Variants in IDUA observed in about 807,000 individuals in gnomAD.
IDUA encodes the protein iduronidase alpha-L-.
A neutral mutation model predicts 68.9 loss-of-function variants in IDUA; 65 were observed. The ratio of observed to expected loss-of-function variants is 0.94; its 90% CI spans 0.77 to 1.16. IDUA has a LOEUF of 1.16. Ranked by LOEUF, IDUA falls within the 50% of genes most tolerant of loss-of-function variation. The pLI is 0.00. For missense variants in IDUA, 1,046 were observed against 938.0 expected, an observed-to-expected ratio of 1.12 and a Z score of -1.50; for synonymous variants, 529 against 433.6, an observed-to-expected ratio of 1.22 and a Z score of -2.73.
chr4:998,622 ATCAC>A, intron 2 of IDUA, among the ~76,000 whole-genome samples: 1 of 152,184 alleles, frequency 6.6e-6, no homozygotes, highest in African/African-American at 2.4e-5. Context: ...GGCCAGAAGC[ATCAC>A]TCACAACTCC....
At chr4:994,849 C>T (rs1714645959) in intron 2 of IDUA, among the ~76,000 whole-genome samples, 1 of 152,058 alleles carries the variant, frequency 6.6e-6, no homozygotes, top group African/African-American at 2.4e-5. Flanking sequence ...TGGCTTGAGC[C>T]CAGGAGTTTG....
chr4:1,003,037 C>T lies in IDUA; in HGVS notation c.1404C>T (p.Gly468=), dbSNP rs376962742. The change falls in exon 10 of 14, where the codon GGC becomes GGT. Residue 468 remains glycine (G), a splice_region_variant and synonymous_variant. Transcript: ENST00000514224. ...AGGCCTGAGTGTCAGGCCCCGCAGG[C>T]CTGGTCTACGTCACGCGCTACCTGG... is the stretch of plus-strand genomic sequence containing the variant. ...LRLRGVPPGP[G]LVYVTRYLDN... is the part of the protein sequence containing the mutation. 5.3e-6 allele frequency: 8 copies of T among 1,501,884 alleles called. No individual in the cohort carries two copies. The highest frequency in any genetic ancestry group is 7.1e-6 in the Non-Finnish European group (8 of 1,134,000). The allele number at this position is 1,501,884 out of a possible 1,614,324, so 93.0% of individuals were successfully genotyped here.
intron 2 of IDUA, chr4:988,490 C>G: frequency 3.5e-6 from 4 of 1,131,366 alleles, no homozygotes; most frequent in Non-Finnish European, 4.3e-6. Flanking sequence ...ACCTTGGAGG[C>G]TGCATGATGG....
At chr4:988,240 C>T (rs1372212813) in intron 2 of IDUA, 2 of 1,281,298 alleles carry the variant, frequency 1.6e-6, no homozygotes, top group African/African-American at 1.5e-5. Context: ...GTCTGCTGGC[C>T]AGGCTGGGTA....
In IDUA at chr4:1,004,543, T is replaced by C. The variant is rs1715328260; in HGVS notation, c.*150T>C. ...TATATCTTGGTACCAACGCCCCCTT[T>C]AAAGCGGCTTTGCACAGGTCAGTCT... On this transcript the variant is annotated 3_prime_UTR_variant, in exon 14 of 14. Coordinates refer to ENST00000514224, the MANE Select transcript of IDUA (RefSeq NM_000203.5). This position sits in a 1 kb window ranked among gnomAD's most constrained non-coding sequence, Gnocchi z 5.0. 5.0e-6 allele frequency: 4 copies of C among 796,662 alleles called. No individual in the cohort carries two copies. 49.3% of individuals were successfully genotyped at this position (796,662 alleles called of 1,614,324 possible).
rs1715016939 is a variant in IDUA at position 1,000,660 on chromosome 4, G to A, written c.348G>A (p.Gly116=). ...GLSYNFTHLD[G]YLDLLRENQL... ...GCTACAACTTCACCCACCTGGACGG[G>A]TACCTGGACCTTCTCAGGGAGAACC... is the stretch of plus-strand genomic sequence containing the variant. The change falls in exon 3 of 14, where the codon GGG becomes GGA. Residue 116 remains glycine, a synonymous_variant. Coordinates refer to ENST00000514224, the MANE Select transcript of IDUA (RefSeq NM_000203.5). 6.2e-7 allele frequency: 1 copy of A among 1,612,732 alleles called. No homozygotes were observed. The highest frequency in any genetic ancestry group is 1.1e-5 in the South Asian group (1 of 91,074).
chr4:1,001,026 G>A (rs375814292), intron 4 of IDUA, 37 bp downstream of exon 4: 690 of 1,466,188 alleles, frequency 4.7e-4, no homozygotes, highest in Non-Finnish European at 6.2e-4. Flanking sequence ...TGGCCGGGGC[G>A]GGGGTACTCC....
At chr4:990,310 G>C (rs1375918658) in intron 2 of IDUA, 1 of 1,604,964 alleles carries the variant, frequency 6.2e-7, no homozygotes, top group Non-Finnish European at 8.5e-7. Context: ...ATCGAGCAGT[G>C]GCTGTGAGAG....
In IDUA at chr4:1,002,286, G is replaced by T; in HGVS notation, c.990G>T (p.Gln330His). The change falls in exon 8 of 14, where the codon CAG becomes CAT. Residue 330 changes from glutamine (Q) to histidine (H), a missense_variant. By Grantham distance (24) the Gln-to-His change is conservative. Coordinates refer to ENST00000514224, the MANE Select transcript of IDUA (RefSeq NM_000203.5). ...AMVVKVIAQH[Q>H]NLLLANTTSA... is the part of the protein sequence containing the mutation. Reference sequence around the variant, plus strand: ...ACCCGCAGGTCATCGCGCAGCATCAGAACCTGCTACTGGCCAACACCACCT... The same window carrying T: ...ACCCGCAGGTCATCGCGCAGCATCATAACCTGCTACTGGCCAACACCACCT... The T allele has an allele frequency of 6.2e-7, 1 of 1,612,314 alleles. No individual in the cohort carries two copies. Among genetic ancestry groups the T allele is most frequent in the Non-Finnish European group, 8.5e-7 (1 of 1,179,464 alleles).
At chr4:1,003,513 C>A in intron 11 of IDUA, 36 bp from the exon 12 acceptor site, 1 of 1,605,020 alleles carries the variant, frequency 6.2e-7, no homozygotes, top group Non-Finnish European at 8.5e-7. Context: ...CCGGACTCCC[C>A]TTCCCCGACG....
chr4:987,594 G>A, intron 1 of IDUA: 1 of 1,413,416 alleles, frequency 7.1e-7, no homozygotes, highest in African/African-American at 1.4e-5. Flanking sequence ...CAGGGCCAGG[G>A]CTGGCGTTGG....
intron 2 of IDUA, among the ~76,000 whole-genome samples, chr4:998,478 C>T (rs1210362449): frequency 6.6e-6 from 1 of 152,174 alleles, no homozygotes; most frequent in Non-Finnish European, 1.5e-5. Context: ...AGGAGGTGCA[C>T]TGCCCCACGG....
At position 1,001,802 on chromosome 4, in the gene IDUA, T is replaced by A. The variant is rs148789453; in HGVS notation, c.713T>A (p.Leu238Gln). 9 of 1,604,640 alleles carry A rather than the reference T, an allele frequency of 5.6e-6. No individual in the cohort carries two copies. Among genetic ancestry groups the A allele is most frequent in the African/African-American group, 4.0e-5 (3 of 74,858 alleles). ...PPRSPLSWGL[L>Q]RHCHDGTNFF... is the part of the protein sequence containing the mutation. ...CGATCCCCGCTGAGCTGGGGCCTCC[T>A]GCGCCACTGCCACGACGGTACCAAC... Residue 238 changes from leucine (L) to glutamine (Q), a missense_variant, in exon 6 of 14, where the codon CTG (leucine) becomes CAG (glutamine). Physicochemically the swap from Leu to Gln is moderately radical, Grantham distance 113. Coordinates refer to ENST00000514224, the MANE Select transcript of IDUA (RefSeq NM_000203.5).
chr4:989,735 T>C (rs1714092927), intron 2 of IDUA: 2 of 1,557,740 alleles, frequency 1.3e-6, no homozygotes, highest in Admixed American at 1.9e-5. Context: ...TTCACCAGGC[T>C]CTTGGCCAGG....
At chr4:987,370 G>C in intron 1 of IDUA, 128 bp downstream of exon 1, 1 of 957,306 alleles carries the variant, frequency 1.0e-6, no homozygotes. Flanking sequence ...TCCCGGGCCC[G>C]CCCCCCGCCG....
At chr4:995,548 C>T (rs776573108) in intron 2 of IDUA, among the ~76,000 whole-genome samples, 15 of 152,188 alleles carry the variant, frequency 9.9e-5, no homozygotes, top group Admixed American at 4.6e-4. Flanking sequence ...AAGGCCAACC[C>T]GGCCCTGGCA....
At chr4:999,159 C>T (rs548649289) in intron 2 of IDUA, among the ~76,000 whole-genome samples, 17 of 151,018 alleles carry the variant, frequency 1.1e-4, no homozygotes, top group Admixed American at 5.3e-4. Context: ...GAGCCGAGAT[C>T]GCGCCACTGC....
rs1560531755 is a variant in IDUA, at chr4:987,144, GC to G, written c.65del (p.Pro22ArgfsTer86). ...LALLASLLAA[P>X]PVAPAEAPHL... ...CGCTCCTGGCCTCGCTCCTGGCCGC[GC>G]CCCCGGTGGCCCCGGCCGAGGCCCC... is the stretch of plus-strand genomic sequence containing the variant. On this transcript the variant is annotated frameshift_variant, in exon 1 of 14. Transcript: ENST00000514224. LOFTEE classifies it high-confidence loss of function. The G allele has an allele frequency of 3.6e-6, 5 of 1,407,892 alleles. No homozygotes were observed. The highest frequency in any genetic ancestry group is 1.5e-5 in the South Asian group (1 of 65,052). 87.2% of individuals were successfully genotyped at this position (1,407,892 alleles called of 1,614,324 possible). A position where few individuals can be genotyped will look rare whatever the true frequency, so the allele number is the denominator to read the frequency against.
chr4:995,304 A>G (rs1248459078), intron 2 of IDUA, among the ~76,000 whole-genome samples: 1 of 151,826 alleles, frequency 6.6e-6, no homozygotes, highest in Non-Finnish European at 1.5e-5. Flanking sequence ...CGGCCTCCCA[A>G]AGTGCTGGGA....
Sources: gnomAD v4.1 joint callset for allele counts (sites outside exome capture counted in the v4.1 genomes callset) on GRCh38, gnomAD v4.1.1 for gene constraint, Gnocchi (gnomAD v3.1) non-coding constraint, MANE v1.5 for transcripts, NCBI Gene and HGNC (gene_info 2026-07-23, HGNC 2026-07-21) for gene names.